The following SRGAP1 variants were observed in gnomAD, a reference collection of about 807,000 sequenced individuals.
The protein encoded by SRGAP1 is SLIT-ROBO Rho GTPase-activating protein 1.
In SRGAP1, 43 loss-of-function variants were observed where a neutral mutation model predicts 121.9. The ratio of observed to expected loss-of-function variants is 0.35; its 90% CI spans 0.28 to 0.46. SRGAP1 has a LOEUF of 0.46. Ranked by LOEUF, SRGAP1 falls within the 20% of genes least tolerant of loss-of-function variation. The probability of loss-of-function intolerance (pLI) is 1.00; values close to 1 mark genes in which losing one functional copy is unlikely to be tolerated. For missense variants in SRGAP1, 1,102 were observed against 1,350.9 expected (o/e 0.82, Z 2.89); for synonymous variants, 447 against 485.4 (o/e 0.92, Z 1.04).
chr12:64,146,681 G>C lies in SRGAP1; in HGVS notation c.*4009G>C, dbSNP rs991051284. 2.6e-5 allele frequency: 4 copies of C among 152,090 alleles called. No homozygotes were observed. The highest frequency in any genetic ancestry group is 4.4e-5 in the Non-Finnish European group (3 of 68,040). The allele number at this position is 152,090 out of a possible 1,614,324, so 9.4% of individuals were successfully genotyped here. ...CGATTATCCACCACAGAAACCCTGAGACACAGAGCAGCTTAGAAGTCTCTA... is the reference window on the plus strand; with the variant it reads ...CGATTATCCACCACAGAAACCCTGACACACAGAGCAGCTTAGAAGTCTCTA... On this transcript the variant is annotated 3_prime_UTR_variant, in exon 22 of 22. Coordinates refer to ENST00000355086, the MANE Select transcript of SRGAP1 (RefSeq NM_020762.4).
chr12:63,944,503 G>A (rs1025982490), intron 1 of SRGAP1, among the ~76,000 whole-genome samples: 4 of 152,100 alleles, frequency 2.6e-5, no homozygotes, highest in African/African-American at 9.7e-5. Context: ...ATCACATTGG[G>A]CATTAAGATT....
At chr12:64,054,707 C>T (rs2136524013) in intron 6 of SRGAP1, among the ~76,000 whole-genome samples, 1 of 150,132 alleles carries the variant, frequency 6.7e-6, no homozygotes, top group Admixed American at 6.6e-5. Flanking sequence ...AAGTAGTTGG[C>T]TTTTTTTGTT....
chr12:64,094,913 T>C lies in SRGAP1; in HGVS notation c.1540-19T>C, dbSNP rs2036123920. 6.2e-7 allele frequency: 1 copy of C among 1,612,954 alleles called. No individual in the cohort carries two copies. The highest frequency in any genetic ancestry group is 1.3e-5 in the African/African-American group (1 of 74,906). On this transcript the variant is annotated intron_variant, in intron 12 of 21. Transcript: ENST00000355086. ...ATACCTCTCCCTTGAGGTTAACTGG[T>C]TTCCATCCCTTTACCCAGGACTCAG...
chr12:63,932,344 T>G (rs2031508889), intron 1 of SRGAP1, among the ~76,000 whole-genome samples: 1 of 152,186 alleles, frequency 6.6e-6, no homozygotes, highest in African/African-American at 2.4e-5. Flanking sequence ...ATCAAACACA[T>G]GAGCTAATCT....
chr12:64,072,732 T>A (rs543483788), intron 8 of SRGAP1, among the ~76,000 whole-genome samples: 2 of 152,328 alleles, frequency 1.3e-5, no homozygotes, highest in Non-Finnish European at 2.9e-5. Context: ...ACATTTCTGT[T>A]GTTTAAGCCA....
intron 3 of SRGAP1, among the ~76,000 whole-genome samples, chr12:64,014,906 T>C (rs1593043756): frequency 1.3e-5 from 2 of 152,218 alleles, no homozygotes; most frequent in Admixed American, 6.5e-5. Flanking sequence ...AACCTCTGCC[T>C]CCTGGGTTCA....
chr12:63,967,494 G>T (rs896440139), intron 1 of SRGAP1, among the ~76,000 whole-genome samples: 1 of 152,142 alleles, frequency 6.6e-6, no homozygotes, highest in African/African-American at 2.4e-5. Context: ...CATATTGTTG[G>T]CATTCGATAC....
At chr12:64,036,812 T>C (rs1201401442) in intron 4 of SRGAP1, among the ~76,000 whole-genome samples, 1 of 152,206 alleles carries the variant, frequency 6.6e-6, no homozygotes, top group East Asian at 1.9e-4. Context: ...AAGCTTACTA[T>C]AAAATGGGTT....
Position 64,127,868 on chromosome 12 carries a change from A to G in SRGAP1, c.2548A>G (p.Lys850Glu). 4 of 1,609,396 alleles carry G rather than the reference A, an allele frequency of 2.5e-6. No individual in the cohort carries two copies. The highest frequency in any genetic ancestry group is 3.4e-6 in the Non-Finnish European group (4 of 1,177,074). ...GTTTCTGTGAATGTCTAGGCAACGAAAAAGAGGAGAGCCACCCCCTCCAGT... is the reference window on the plus strand; with the variant it reads ...GTTTCTGTGAATGTCTAGGCAACGAGAAAGAGGAGAGCCACCCCCTCCAGT... ...HPDGYLARQRKRGEPPPPVRR... is the reference protein window; with the variant it reads ...HPDGYLARQRERGEPPPPVRR... The change falls in exon 21 of 22, where the codon AAA becomes GAA. Residue 850 changes from lysine (K) to glutamate (E), a missense_variant. Physicochemically the swap from Lys to Glu is moderately conservative, Grantham distance 56. This residue lies in a region of SRGAP1 where 315 missense variants were observed against 343.1 expected (regional missense o/e 0.92). Transcript: ENST00000355086.
At chr12:63,940,538 G>A (rs966873952) in intron 1 of SRGAP1, among the ~76,000 whole-genome samples, 1 of 152,118 alleles carries the variant, frequency 6.6e-6, no homozygotes, top group Admixed American at 6.6e-5. Flanking sequence ...GAAATAGGAA[G>A]CAGTTTTTAT....
intron 4 of SRGAP1, among the ~76,000 whole-genome samples, chr12:64,036,995 ACT>A (rs1449623314): frequency 6.6e-6 from 1 of 152,120 alleles, no homozygotes; most frequent in African/African-American, 2.4e-5. Context: ...TGTGCTGAAG[ACT>A]CTGAATGAAG....
chr12:64,088,415 G>C (rs959100858), intron 11 of SRGAP1, among the ~76,000 whole-genome samples: 1 of 152,156 alleles, frequency 6.6e-6, no homozygotes, highest in East Asian at 1.9e-4. Context: ...TTAAAAAGCA[G>C]AAATGGAAAT....
chr12:63,975,219 C>T (rs945762691), intron 1 of SRGAP1, among the ~76,000 whole-genome samples: 2 of 152,198 alleles, frequency 1.3e-5, no homozygotes, highest in African/African-American at 4.8e-5. Context: ...GTCCCTTCTC[C>T]AGTGTTACAC....
intron 21 of SRGAP1, among the ~76,000 whole-genome samples, chr12:64,138,938 C>G (rs1488653057): frequency 6.6e-6 from 1 of 151,944 alleles, no homozygotes; most frequent in Non-Finnish European, 1.5e-5. Context: ...CTGTTCCAAT[C>G]AAAACAAAAA....
At chr12:64,130,980 C>T (rs1385244466) in intron 21 of SRGAP1, among the ~76,000 whole-genome samples, 1 of 152,198 alleles carries the variant, frequency 6.6e-6, no homozygotes, top group Non-Finnish European at 1.5e-5. Flanking sequence ...GCTGTGTTGG[C>T]TTCTGCTGCT....
chr12:63,983,999 G>A lies in SRGAP1; in HGVS notation c.120G>A (p.Glu40=), dbSNP rs147676250. Residue 40 remains glutamate, a synonymous_variant, in exon 2 of 22, where the codon GAG becomes GAA. Transcript: ENST00000355086. ...EQQKCLEQQT[E]MRVQLLQDLQ... is the part of the protein sequence containing the mutation. Reference sequence around the variant, plus strand: ...AAAAATGCCTGGAGCAGCAAACGGAGATGCGAGTTCAGCTTCTCCAGGATC... The same window carrying A: ...AAAAATGCCTGGAGCAGCAAACGGAAATGCGAGTTCAGCTTCTCCAGGATC... 62 of 1,569,618 alleles carry A rather than the reference G, an allele frequency of 4.0e-5. No homozygotes were observed. Among genetic ancestry groups the A allele is most frequent in the Non-Finnish European group, 5.0e-5 (58 of 1,151,778 alleles).
chr12:64,109,824 A>G (rs1188770818), intron 16 of SRGAP1, among the ~76,000 whole-genome samples: 3 of 152,062 alleles, frequency 2.0e-5, no homozygotes, highest in East Asian at 3.9e-4. Context: ...TCTTTTCTCT[A>G]TTTCATGGGA....
chr12:64,037,070 A>G (rs2136496619), intron 4 of SRGAP1, among the ~76,000 whole-genome samples: 1 of 152,366 alleles, frequency 6.6e-6, no homozygotes. Flanking sequence ...CTGGCTGAGA[A>G]GCCAGGGAAC....
At chr12:63,995,022 C>T (rs2033656191) in intron 3 of SRGAP1, among the ~76,000 whole-genome samples, 1 of 152,192 alleles carries the variant, frequency 6.6e-6, no homozygotes, top group South Asian at 2.1e-4. Flanking sequence ...AGCACCTAAT[C>T]ACAAGGTGTT....
Sources: allele counts gnomAD v4.1 joint callset (sites outside exome capture counted in the v4.1 genomes callset), GRCh38; gene constraint gnomAD v4.1.1; regional missense constraint gnomAD v4.1.1; transcripts MANE v1.5; gene names NCBI Gene and HGNC (gene_info 2026-07-23, HGNC 2026-07-21).